Variants in CLEC2B observed in about 807,000 individuals in gnomAD.
The protein encoded by CLEC2B is C-type lectin domain family 2 member B, also known as C-type (calcium dependent, carbohydrate-recognition domain) lectin, superfamily member 2 (activation-induced).
CLEC2B carries 14 observed loss-of-function variants against 16.2 expected under a neutral mutation model. The observed-to-expected ratio is 0.86, with a 90% CI of 0.57 to 1.35. CLEC2B has a LOEUF of 1.35. CLEC2B is among the 40% of genes most tolerant of loss of function. The pLI is 0.00. For missense variants in CLEC2B, 166 were observed against 182.3 expected, an observed-to-expected ratio of 0.91 and a Z score of 0.52; for synonymous variants, 42 against 55.8, an observed-to-expected ratio of 0.75 and a Z score of 1.10.
At chr12:9,868,361 C>A (rs532464938) in intron 1 of CLEC2B, among the ~76,000 whole-genome samples, 3 of 151,912 alleles carry the variant, frequency 2.0e-5, no homozygotes, top group Non-Finnish European at 4.4e-5. Context: ...AATTATAAAA[C>A]CGGTTAAAAT....
intron 1 of CLEC2B, among the ~76,000 whole-genome samples, chr12:9,867,695 T>A (rs150910334): frequency 0.013 from 1,926 of 152,248 alleles, 25 homozygotes; most frequent in Middle Eastern, 0.027. Context: ...TTGATGAGGC[T>A]ATGCTTAAAA....
At position 9,853,311 on chromosome 12, in the gene CLEC2B, T is replaced by G; in HGVS notation, c.439A>C (p.Arg147=). ...YTERKWICRK[R]IH ...TCTTAGACATTAACTTAGTGTATTC[T>G]TTTCCTGCAAATCCATTTTCTTTCG... The change falls in exon 5 of 5, where the codon AGA becomes CGA. Residue 147 remains arginine, a synonymous_variant. Coordinates refer to ENST00000228438, the MANE Select transcript of CLEC2B (RefSeq NM_005127.3). 6.2e-7 allele frequency: 1 copy of G among 1,609,804 alleles called. No individual in the cohort carries two copies.
At chr12:9,866,912 C>T (rs1867974207) in intron 1 of CLEC2B, 1 of 152,100 alleles carries the variant, frequency 6.6e-6, no homozygotes. Flanking sequence ...TTTGCAGATA[C>T]AGCGGAAAAT....
chr12:9,852,825 T>G lies in CLEC2B; in HGVS notation c.*475A>C, dbSNP rs1486347381. ...TCTCTTTTCCCTATTGTAATAGTCT[T>G]GAATAAAATAGCCATTGTCCATATA... On this transcript the variant is annotated 3_prime_UTR_variant, in exon 5 of 5. Transcript: ENST00000228438. Among the ~76,000 whole-genome samples the G allele has an allele frequency of 1.3e-5, 2 of 152,104 alleles. No individual in the cohort carries two copies. The highest frequency in any genetic ancestry group is 1.9e-4 in the East Asian group (1 of 5,188).
chr12:9,863,428 C>G (rs1457121647), intron 1 of CLEC2B, among the ~76,000 whole-genome samples: 4 of 152,122 alleles, frequency 2.6e-5, no homozygotes, highest in Non-Finnish European at 5.9e-5. Context: ...AAACAGGGAA[C>G]TGCGATACCC....
At chr12:9,855,477 A>G (rs994755288) in intron 3 of CLEC2B, among the ~76,000 whole-genome samples, 1 of 152,118 alleles carries the variant, frequency 6.6e-6, no homozygotes, top group African/African-American at 2.4e-5. Flanking sequence ...TAGACATGGA[A>G]AAGTTATCAG....
Position 9,866,694 on chromosome 12 carries a change from A to G in CLEC2B, c.-3+2511T>C, listed in dbSNP as rs189800205. ...TCTGTTATTTGAAGGAGGTAGTCAG[A>G]CCATTTTGATATTCTTTCTTCCAGA... On this transcript the variant is annotated intron_variant, in intron 1 of 4. Coordinates refer to ENST00000228438, the MANE Select transcript of CLEC2B (RefSeq NM_005127.3). Among the ~76,000 whole-genome samples, 191 of 152,230 alleles carry G rather than the reference A, an allele frequency of 1.3e-3. 1 individual carries two copies. The highest frequency in any genetic ancestry group is 2.3e-3 in the Non-Finnish European group (156 of 67,988).
chr12:9,858,556 C>T (rs1319593986), intron 2 of CLEC2B, among the ~76,000 whole-genome samples: 1 of 151,970 alleles, frequency 6.6e-6, no homozygotes, highest in Admixed American at 6.6e-5. Context: ...AGGCATTGAT[C>T]CAACTACCAG....
At chr12:9,853,869 A>G (rs914465023) in intron 4 of CLEC2B, among the ~76,000 whole-genome samples, 8 of 152,190 alleles carry the variant, frequency 5.3e-5, no homozygotes, top group Admixed American at 1.3e-4. Context: ...CTATTGAGAA[A>G]CTAACATAAA....
intron 4 of CLEC2B, among the ~76,000 whole-genome samples, chr12:9,853,875 A>G (rs948623938): frequency 6.6e-6 from 1 of 152,228 alleles, no homozygotes; most frequent in African/African-American, 2.4e-5. Context: ...AGAAACTAAC[A>G]TAAACTAAGT....
At chr12:9,855,689 G>A (rs1208731381) in intron 3 of CLEC2B, among the ~76,000 whole-genome samples, 7 of 151,890 alleles carry the variant, frequency 4.6e-5, no homozygotes, top group Non-Finnish European at 1.0e-4. Context: ...CAGAGAACTG[G>A]GAGATGTGTT....
chr12:9,864,781 AAGAG>A (rs748830498), intron 1 of CLEC2B, among the ~76,000 whole-genome samples: 55 of 152,160 alleles, frequency 3.6e-4, no homozygotes, highest in Non-Finnish European at 6.3e-4. Flanking sequence ...GAAAAGAAAA[AAGAG>A]AGAAATTTAA....
rs752319934 is a variant in CLEC2B, at chr12:9,853,389, C to G, written c.361G>C (p.Glu121Gln). The G allele has an allele frequency of 6.2e-7, 1 of 1,613,766 alleles. No homozygotes were observed. Among genetic ancestry groups the G allele is most frequent in the African/African-American group, 1.3e-5 (1 of 74,914 alleles). The change falls in exon 5 of 5, where the codon GAA (glutamate) becomes CAA (glutamine). Residue 121 changes from glutamate to glutamine, a missense_variant. Physicochemically the swap from Glu to Gln is conservative, Grantham distance 29. Coordinates refer to ENST00000228438, the MANE Select transcript of CLEC2B (RefSeq NM_005127.3). ...FTKSFGMRGS[E>Q]GCAYLSDDGA... ...TCATCGCTGAGGTAGGCACATCCTT[C>G]ACTCCCTCTCATGCCAAACCTGCAA... is the stretch of plus-strand genomic sequence containing the variant.
rs1867862369 is a variant in CLEC2B at position 9,853,105 on chromosome 12, A to AAGAGAGAGAGAGAGAGAGAGAG, written c.*194_*195insCTCTCTCTCTCTCTCTCTCTCT. The AAGAGAGAGAGAGAGAGAGAGAG allele has an allele frequency of 4.8e-6, 2 of 415,310 alleles. No individual in the cohort carries two copies. The highest frequency in any genetic ancestry group is 4.1e-5 in the Admixed American group (1 of 24,128). The allele number at this position is 415,310 out of a possible 1,614,324, so 25.7% of individuals were successfully genotyped here. A position where few individuals can be genotyped will look rare whatever the true frequency, so the allele number is the denominator to read the frequency against. ...AGAAAGAGAGAGAGAGAAAGAAAGAAAGAAAAAAACTCAGCAGAATACCTG... is the reference window on the plus strand; with the variant it reads ...AGAAAGAGAGAGAGAGAAAGAAAGAAAGAGAGAGAGAGAGAGAGAGAGAGAAAAAAACTCAGCAGAATACCTG... On this transcript the variant is annotated 3_prime_UTR_variant, in exon 5 of 5. Transcript: ENST00000228438.
intron 3 of CLEC2B, among the ~76,000 whole-genome samples, chr12:9,855,932 C>G (rs1867891691): frequency 6.6e-6 from 1 of 152,042 alleles, no homozygotes; most frequent in Non-Finnish European, 1.5e-5. Flanking sequence ...ACTCCACAGA[C>G]AGCTTTACTT....
intron 4 of CLEC2B, among the ~76,000 whole-genome samples, chr12:9,853,835 C>T (rs763148661): frequency 1.3e-5 from 2 of 152,050 alleles, no homozygotes; most frequent in African/African-American, 2.4e-5. Flanking sequence ...GAGAGGTATT[C>T]AGTACAAAAT....
chr12:9,867,473 T>C (rs1282377752), intron 1 of CLEC2B, among the ~76,000 whole-genome samples: 1 of 152,140 alleles, frequency 6.6e-6, no homozygotes, highest in Non-Finnish European at 1.5e-5. Context: ...TTTTCAGTTG[T>C]TTTTAATTTC....
chr12:9,857,642 A>G lies in CLEC2B; in HGVS notation c.74-5T>C. On this transcript the variant is annotated splice_polypyrimidine_tract_variant and splice_region_variant and intron_variant, in intron 2 of 4. Coordinates refer to ENST00000228438, the MANE Select transcript of CLEC2B (RefSeq NM_005127.3). ...GAGAATCTCGAGTTAGTTTAACTGG[A>G]AATGAGACAAATATATATCTTAAGT... 6.3e-7 allele frequency: 1 copy of G among 1,596,936 alleles called. No homozygotes were observed. Among genetic ancestry groups the G allele is most frequent in the Non-Finnish European group, 8.6e-7 (1 of 1,165,510 alleles).
At chr12:9,860,567 T>C (rs778797905) in intron 2 of CLEC2B, among the ~76,000 whole-genome samples, 9 of 151,844 alleles carry the variant, frequency 5.9e-5, no homozygotes, top group Non-Finnish European at 1.2e-4. Context: ...AATGATTCCA[T>C]GAAAATTGAC....
Sources: gnomAD v4.1 joint callset for allele counts (sites outside exome capture counted in the v4.1 genomes callset) on GRCh38, gnomAD v4.1.1 for gene constraint, MANE v1.5 for transcripts, NCBI Gene and HGNC (gene_info 2026-07-23, HGNC 2026-07-21) for gene names.